Variants in CCDC91 observed in about 807,000 individuals in gnomAD.
CCDC91 encodes coiled-coil domain-containing protein 91.
A neutral mutation model predicts 63.2 loss-of-function variants in CCDC91; 48 were observed. The ratio of observed to expected loss-of-function variants is 0.76; its 90% confidence interval spans 0.60 to 0.97. CCDC91 has a LOEUF of 0.97. Among genes scored for constraint, CCDC91 ranks in the 50% least tolerant of loss-of-function variants. CCDC91 has a pLI of 0.00. For missense variants in CCDC91, 500 were observed against 494.6 expected (o/e 1.01, Z -0.10); for synonymous variants, 167 against 165.8 (o/e 1.01, Z -0.06).
intron 8 of CCDC91, among the ~76,000 whole-genome samples, chr12:28,402,111 T>G (rs1592563064): frequency 6.6e-6 from 1 of 152,160 alleles, no homozygotes; most frequent in Admixed American, 6.5e-5. Context: ...GGTTGAATTT[T>G]TTTGTGTTGT....
At chr12:28,373,841 T>C (rs1431922138) in intron 7 of CCDC91, among the ~76,000 whole-genome samples, 1 of 152,126 alleles carries the variant, frequency 6.6e-6, no homozygotes, top group African/African-American at 2.4e-5. Flanking sequence ...CTGGTGATAG[T>C]GAGTGAGTTC....
At chr12:28,191,687 G>C (rs1192852723) in intron 1 of CCDC91, among the ~76,000 whole-genome samples, 1 of 151,620 alleles carries the variant, frequency 6.6e-6, no homozygotes, top group East Asian at 1.9e-4. Context: ...CAAATTCGCT[G>C]TTGTGTTCCC....
intron 11 of CCDC91, among the ~76,000 whole-genome samples, chr12:28,454,831 T>G (rs1311898813): frequency 3.3e-5 from 5 of 151,908 alleles, no homozygotes; most frequent in Non-Finnish European, 7.4e-5. Flanking sequence ...AGGTCTTGAG[T>G]TTTCCTACCA....
At chr12:28,473,809 A>T (rs976210458) in intron 11 of CCDC91, among the ~76,000 whole-genome samples, 1 of 152,062 alleles carries the variant, frequency 6.6e-6, no homozygotes, top group Non-Finnish European at 1.5e-5. Context: ...TTCTCACAAA[A>T]AGCTATTCCA....
chr12:28,366,965 A>G (rs1033748837), intron 7 of CCDC91, among the ~76,000 whole-genome samples: 18 of 151,910 alleles, frequency 1.2e-4, no homozygotes, highest in Non-Finnish European at 2.1e-4. Flanking sequence ...CTTCCACCCT[A>G]CCTGGAGGTT....
At chr12:28,503,191 A>G (rs976935655) in intron 12 of CCDC91, among the ~76,000 whole-genome samples, 3 of 152,172 alleles carry the variant, frequency 2.0e-5, no homozygotes, top group African/African-American at 7.2e-5. Flanking sequence ...TAATCTGACA[A>G]AGGGCTAATA....
intron 6 of CCDC91, among the ~76,000 whole-genome samples, chr12:28,347,887 GA>G: frequency 6.6e-6 from 1 of 152,300 alleles, no homozygotes; most frequent in South Asian, 2.1e-4. Context: ...AGATCAGCCA[GA>G]AAAACAGAAA....
At chr12:28,430,034 T>G (rs1337899529) in intron 8 of CCDC91, among the ~76,000 whole-genome samples, 1 of 152,064 alleles carries the variant, frequency 6.6e-6, no homozygotes, top group Non-Finnish European at 1.5e-5. Flanking sequence ...CTTATTTTGT[T>G]GGGTGTCTTA....
intron 1 of CCDC91, among the ~76,000 whole-genome samples, chr12:28,201,629 G>A (rs4786642): frequency 6.1e-5 from 9 of 146,818 alleles, no homozygotes; most frequent in South Asian, 2.1e-4. Flanking sequence ...ACGGGGTGGC[G>A]GCCGGGCAGA....
At chr12:28,194,542 G>T (rs1400704655) in intron 1 of CCDC91, among the ~76,000 whole-genome samples, 1 of 152,188 alleles carries the variant, frequency 6.6e-6, no homozygotes, top group African/African-American at 2.4e-5. Context: ...TGCAGTGAGT[G>T]ATACAGCTCT....
intron 6 of CCDC91, among the ~76,000 whole-genome samples, chr12:28,316,668 T>A (rs1469182661): frequency 6.6e-6 from 1 of 150,804 alleles, no homozygotes; most frequent in Non-Finnish European, 1.5e-5. Flanking sequence ...ACTAATGTGC[T>A]TCTGTTGTTT....
intron 6 of CCDC91, among the ~76,000 whole-genome samples, chr12:28,347,316 T>A (rs185917871): frequency 6.6e-6 from 1 of 152,350 alleles, no homozygotes; most frequent in African/African-American, 2.4e-5. Flanking sequence ...TTAGAGTTGT[T>A]AATGTAATAT....
At chr12:28,241,573 G>A (rs368572906) in intron 1 of CCDC91, among the ~76,000 whole-genome samples, 1 of 152,036 alleles carries the variant, frequency 6.6e-6, no homozygotes, top group Non-Finnish European at 1.5e-5. Flanking sequence ...TTCTCGATGC[G>A]CATTTGGGTT....
intron 11 of CCDC91, among the ~76,000 whole-genome samples, chr12:28,464,482 T>C (rs575023353): frequency 2.0e-5 from 3 of 152,266 alleles, no homozygotes; most frequent in African/African-American, 7.2e-5. Flanking sequence ...GACTTTGTCT[T>C]GCATCTTGGA....
chr12:28,346,397 CTAAGCAT>C (rs1942812173), intron 6 of CCDC91, among the ~76,000 whole-genome samples: 1 of 152,132 alleles, frequency 6.6e-6, no homozygotes, highest in Non-Finnish European at 1.5e-5. Flanking sequence ...AAGTACTACT[CTAAGCAT>C]TAAGCTATGT....
chr12:28,300,384 T>C (rs188740791), intron 3 of CCDC91, among the ~76,000 whole-genome samples: 1 of 151,718 alleles, frequency 6.6e-6, no homozygotes, highest in African/African-American at 2.4e-5. Context: ...GCTTCACACA[T>C]ACTTGGATCT....
At chr12:28,543,657 G>C (rs66503345) in intron 12 of CCDC91, among the ~76,000 whole-genome samples, 13,687 of 151,826 alleles carry the variant, frequency 0.09, 1,897 homozygotes, top group African/African-American at 0.3. Context: ...CTTCTATATG[G>C]AGATGACGTC....
chr12:28,195,998 G>A (rs1224416835), intron 1 of CCDC91, among the ~76,000 whole-genome samples: 1 of 152,116 alleles, frequency 6.6e-6, no homozygotes, highest in Non-Finnish European at 1.5e-5. Flanking sequence ...CCTGATACTT[G>A]GAAGGCTGAG....
chr12:28,452,665 T>TTTAC lies in CCDC91; in HGVS notation c.1101+12_1101+13insTACT. 4 of 1,361,158 alleles carry TTTAC rather than the reference T, an allele frequency of 2.9e-6. No homozygotes were observed. The highest frequency in any genetic ancestry group is 4.0e-6 in the Non-Finnish European group (4 of 1,000,440). The allele number at this position is 1,361,158 out of a possible 1,614,324, so 84.3% of individuals were successfully genotyped here. On this transcript the variant is annotated intron_variant, in intron 11 of 12. Coordinates refer to ENST00000536442, the MANE Select transcript of CCDC91 (RefSeq NM_018318.5). Reference sequence around the variant, plus strand: ...AGAAAAATAAGTCAGGTTAGTAATATTAACTGTTAGTAAATATTTACTTTT... The same window carrying TTTAC: ...AGAAAAATAAGTCAGGTTAGTAATATTTACTAACTGTTAGTAAATATTTACTTTT...
Sources: gnomAD v4.1 joint callset for allele counts (sites outside exome capture counted in the v4.1 genomes callset) on GRCh38, gnomAD v4.1.1 for gene constraint, MANE v1.5 for transcripts, NCBI Gene and HGNC (gene_info 2026-07-23, HGNC 2026-07-21) for gene names.